The following RAP2A variants were observed in gnomAD, a reference collection of about 807,000 sequenced individuals.
RAP2A encodes RAP2A, member of RAS oncogene family, also known as ras-related protein Rap-2a.
Under a neutral mutation model 15.1 loss-of-function variants are expected in RAP2A, and 5 were observed. The observed-to-expected ratio is 0.33, with a 90% CI of 0.17 to 0.70. The LOEUF (loss-of-function observed/expected upper bound fraction) is 0.70, where lower values mean the gene tolerates loss of function less well. Ranked by LOEUF, RAP2A falls within the 30% of genes least tolerant of loss-of-function variation. The pLI is 0.68. For missense variants in RAP2A, 111 were observed against 240.3 expected (o/e 0.46, Z 3.56); for synonymous variants, 110 against 99.7 (o/e 1.10, Z -0.62).
intron 1 of RAP2A, among the ~76,000 whole-genome samples, chr13:97,463,747 A>C (rs1036420631): frequency 3.3e-5 from 5 of 152,116 alleles, no homozygotes; most frequent in Non-Finnish European, 5.9e-5. Flanking sequence ...CTGCCACCAC[A>C]CCCAGCTGAT....
chr13:97,457,332 C>T (rs2066727238), intron 1 of RAP2A, among the ~76,000 whole-genome samples: 1 of 151,588 alleles, frequency 6.6e-6, no homozygotes, highest in African/African-American at 2.4e-5. Context: ...AGATTGGCTG[C>T]TTATTTTAGC....
chr13:97,441,633 T>C (rs1291186753), intron 1 of RAP2A: 1 of 289,346 alleles, frequency 3.5e-6, no homozygotes, highest in African/African-American at 2.3e-5. Context: ...TCATTGTCTT[T>C]AGAACCTTAC....
At position 97,436,454 on chromosome 13, in the gene RAP2A, A is replaced by G. The variant is rs186495295; in HGVS notation, c.314+1670A>G. 2.1e-3 allele frequency among the ~76,000 whole-genome samples: 314 copies of G among 152,308 alleles called. 6 individuals are homozygous for G. The highest frequency in any genetic ancestry group is 0.015 in the Admixed American group (222 of 15,294). Reference sequence around the variant, plus strand: ...AAAAAATAATCTAAGTAAATGCCCCAACAGCCTCACCCTTCACATTTAGAT... The same window carrying G: ...AAAAAATAATCTAAGTAAATGCCCCGACAGCCTCACCCTTCACATTTAGAT... On this transcript the variant is annotated intron_variant, in intron 1 of 1. Coordinates refer to ENST00000245304, the MANE Select transcript of RAP2A (RefSeq NM_021033.7).
chr13:97,463,939 G>A (rs1306151081), intron 1 of RAP2A, among the ~76,000 whole-genome samples: 5 of 152,172 alleles, frequency 3.3e-5, no homozygotes, highest in African/African-American at 1.2e-4. Context: ...AATTTTCCAA[G>A]TATATCTGGA....
At position 97,434,382 on chromosome 13, in the gene RAP2A, G is replaced by C. The variant is rs998815555; in HGVS notation, c.-89G>C. The C allele has an allele frequency of 1.4e-5, 14 of 982,406 alleles. No homozygotes were observed. The African/African-American group carries it at 2.5e-4, about 17-fold the overall frequency. The allele number at this position is 982,406 out of a possible 1,614,324, so 60.9% of individuals were successfully genotyped here. ...GGGCGGCAGCGGGAGGCGGCGGGGCGGGCCGCCGGGGCCGGGGCTGGGGGC... is the reference window on the plus strand; with the variant it reads ...GGGCGGCAGCGGGAGGCGGCGGGGCCGGCCGCCGGGGCCGGGGCTGGGGGC... On this transcript the variant is annotated 5_prime_UTR_variant, in exon 1 of 2. Transcript: ENST00000245304.
chr13:97,444,738 A>G (rs891171341), intron 1 of RAP2A, among the ~76,000 whole-genome samples: 13 of 152,214 alleles, frequency 8.5e-5, no homozygotes, highest in African/African-American at 2.9e-4. Flanking sequence ...CACCAAAAAC[A>G]TTGCTCTTAT....
At chr13:97,444,527 A>G (rs1347501702) in intron 1 of RAP2A, among the ~76,000 whole-genome samples, 3 of 152,206 alleles carry the variant, frequency 2.0e-5, no homozygotes, top group African/African-American at 7.2e-5. Context: ...TATAAAAGTC[A>G]TCACTATCAA....
At chr13:97,455,665 T>G (rs925351034) in intron 1 of RAP2A, among the ~76,000 whole-genome samples, 19 of 151,546 alleles carry the variant, frequency 1.3e-4, no homozygotes, top group Admixed American at 1.1e-3. Context: ...GTCTGAGACA[T>G]AGGAGTGGTT....
chr13:97,453,238 T>C (rs546122875), intron 1 of RAP2A, among the ~76,000 whole-genome samples: 1 of 151,434 alleles, frequency 6.6e-6, no homozygotes, highest in East Asian at 1.9e-4. Context: ...CTTTACCCAG[T>C]TTTTCCCAGT....
rs995021881 is a variant in RAP2A, at chr13:97,466,457, C to G, written c.*2015C>G. 2.0e-5 allele frequency: 3 copies of G among 152,110 alleles called. No individual in the cohort carries two copies. The highest frequency in any genetic ancestry group is 2.0e-4 in the Admixed American group (3 of 15,284). 9.4% of individuals were successfully genotyped at this position (152,110 alleles called of 1,614,324 possible). A position where few individuals can be genotyped will look rare whatever the true frequency, so the allele number is the denominator to read the frequency against. On this transcript the variant is annotated 3_prime_UTR_variant, in exon 2 of 2. Coordinates refer to ENST00000245304, the MANE Select transcript of RAP2A (RefSeq NM_021033.7). ...CAAACATGTAGAGAAGTTGTAGATT[C>G]AAGATATATGATTTCTCTATGGAAA...
At chr13:97,435,032 G>C (rs2066626917) in intron 1 of RAP2A, among the ~76,000 whole-genome samples, 1 of 152,196 alleles carries the variant, frequency 6.6e-6, no homozygotes, top group Non-Finnish European at 1.5e-5. Context: ...AGCATTGCTT[G>C]TTACAGAGCC....
In RAP2A at chr13:97,434,446, C is replaced by A. The variant is rs756869866; in HGVS notation, c.-25C>A. 1.3e-6 allele frequency: 2 copies of A among 1,559,174 alleles called. No homozygotes were observed. Among genetic ancestry groups the A allele is most frequent in the South Asian group, 1.2e-5 (1 of 83,452 alleles). On this transcript the variant is annotated 5_prime_UTR_variant, in exon 1 of 2. Coordinates refer to ENST00000245304, the MANE Select transcript of RAP2A (RefSeq NM_021033.7). The stretch of plus-strand genomic sequence containing the variant: ...CGTAGGTCTATGTCGCGGGCGGCGG[C>A]GGCGGCGGCGGCCGCGGAGGGACGA...
chr13:97,440,236 CTTTT>C (rs747203893), intron 1 of RAP2A, among the ~76,000 whole-genome samples: 142 of 151,222 alleles, frequency 9.4e-4, no homozygotes, highest in Admixed American at 1.8e-3. Context: ...CTGTGGGTCA[CTTTT>C]TTTTTGTTTT....
chr13:97,448,823 T>A lies in RAP2A; in HGVS notation c.314+14039T>A, dbSNP rs139793267. ...AGTTTTATTACTTGGTGCTAGGAAG[T>A]AGGACACTGTAAGGATTCTTCAAGG... On this transcript the variant is annotated intron_variant, in intron 1 of 1. Coordinates refer to ENST00000245304, the MANE Select transcript of RAP2A (RefSeq NM_021033.7). Among the ~76,000 whole-genome samples the A allele has an allele frequency of 6.6e-5, 10 of 152,248 alleles. No individual in the cohort carries two copies. The East Asian group carries it at 1.9e-3, about 29-fold the overall frequency.
At chr13:97,435,250 G>A (rs1394638933) in intron 1 of RAP2A, among the ~76,000 whole-genome samples, 1 of 152,100 alleles carries the variant, frequency 6.6e-6, no homozygotes, top group Non-Finnish European at 1.5e-5. Context: ...TCTCGTTAAA[G>A]GTTTATGGTT....
intron 1 of RAP2A, chr13:97,437,282 C>G (rs1367548777): frequency 6.6e-6 from 1 of 152,178 alleles, no homozygotes; most frequent in East Asian, 1.9e-4. Context: ...CCTACCACAT[C>G]TCAATTCAAA....
intron 1 of RAP2A, among the ~76,000 whole-genome samples, chr13:97,455,349 A>G (rs2066718632): frequency 6.6e-6 from 1 of 151,570 alleles, no homozygotes; most frequent in African/African-American, 2.4e-5. Flanking sequence ...AAAGTCTGAT[A>G]ATTTCAGCAT....
At chr13:97,461,181 T>G (rs2066744707) in intron 1 of RAP2A, among the ~76,000 whole-genome samples, 1 of 152,192 alleles carries the variant, frequency 6.6e-6, no homozygotes, top group South Asian at 2.1e-4. Flanking sequence ...AAGGAAATGA[T>G]CTCATTGGCA....
rs954088436 is a variant in RAP2A, at chr13:97,466,154, T to C, written c.*1712T>C. On this transcript the variant is annotated 3_prime_UTR_variant, in exon 2 of 2. Transcript: ENST00000245304. ...TATTAAAGTGTCTTTTATACTTTTATGAAATCATTGGTAGCCCCCCAAGTG... is the reference window on the plus strand; with the variant it reads ...TATTAAAGTGTCTTTTATACTTTTACGAAATCATTGGTAGCCCCCCAAGTG... 1 of 151,666 alleles carries C rather than the reference T, an allele frequency of 6.6e-6. No individual in the cohort carries two copies. Among genetic ancestry groups the C allele is most frequent in the African/African-American group, 2.4e-5 (1 of 41,224 alleles). The allele number at this position is 151,666 out of a possible 1,614,324, so 9.4% of individuals were successfully genotyped here.
Sources: allele counts gnomAD v4.1 joint callset (sites outside exome capture counted in the v4.1 genomes callset), GRCh38; gene constraint gnomAD v4.1.1; transcripts MANE v1.5; gene names NCBI Gene and HGNC (gene_info 2026-07-23, HGNC 2026-07-21).